Variants in DFFA observed in about 807,000 individuals in gnomAD.
DFFA encodes DFF45.
In DFFA, 14 loss-of-function variants were observed where a neutral mutation model predicts 28.0. The ratio of observed to expected loss-of-function variants is 0.50; its 90% CI spans 0.33 to 0.78. The LOEUF (loss-of-function observed/expected upper bound fraction) is 0.78. DFFA is among the 30% of genes least tolerant of loss of function. DFFA has a pLI of 0.02. For missense variants in DFFA, 395 were observed against 407.1 expected, an observed-to-expected ratio of 0.97 and a Z score of 0.26; for synonymous variants, 158 against 170.3, an observed-to-expected ratio of 0.93 and a Z score of 0.56.
At position 10,472,175 on chromosome 1, in the gene DFFA, C is replaced by T. The variant is rs112771607; in HGVS notation, c.136+148G>A. 4.8e-5 allele frequency: 46 copies of T among 950,302 alleles called. 2 individuals carry two copies. The African/African-American group carries it at 6.2e-4, about 13-fold the overall frequency. 58.9% of individuals were successfully genotyped at this position (950,302 alleles called of 1,614,324 possible). ...TCAAGCGCCTTAAATCTGTAAATCG[C>T]TATGCCCACTCGGACCGTTTCTGTC... On this transcript the variant is annotated intron_variant, in intron 1 of 5. Transcript: ENST00000377038. The surrounding 1 kb of genome is among the most constrained non-coding windows in gnomAD (Gnocchi z 5.0).
intron 5 of DFFA, 26 bp downstream of exon 5, chr1:10,463,031 AG>A (rs762873683): frequency 6.8e-6 from 11 of 1,613,876 alleles, no homozygotes; most frequent in Non-Finnish European, 2.5e-6. Flanking sequence ...CCTCCTCTGT[AG>A]CTCAGTGACC....
At chr1:10,464,096 AT>A (rs564849257) in intron 3 of DFFA, among the ~76,000 whole-genome samples, 123 of 142,984 alleles carry the variant, frequency 8.6e-4, no homozygotes, top group Admixed American at 1.1e-3. Flanking sequence ...AATTTTTCTA[AT>A]TTTTTTTTTT....
chr1:10,469,526 T>G (rs1261995229), intron 1 of DFFA, among the ~76,000 whole-genome samples, 188 bp from the exon 2 acceptor site: 1 of 152,112 alleles, frequency 6.6e-6, no homozygotes, highest in South Asian at 2.1e-4. Flanking sequence ...TAAGTGTTCT[T>G]TTCTTTTTTT....
intron 2 of DFFA, 114 bp from the exon 3 acceptor site, chr1:10,467,446 G>T: frequency 8.7e-7 from 1 of 1,151,666 alleles, no homozygotes; most frequent in Non-Finnish European, 1.3e-6. Flanking sequence ...TGGGAAAGAA[G>T]CATCTTATCT....
chr1:10,464,697 A>G (rs1035472427), intron 3 of DFFA, among the ~76,000 whole-genome samples: 1 of 152,136 alleles, frequency 6.6e-6, no homozygotes, highest in African/African-American at 2.4e-5. Context: ...CCTGGGTGAC[A>G]GAGCTAGACC....
chr1:10,464,127 C>G (rs1483332131), intron 3 of DFFA, among the ~76,000 whole-genome samples: 2 of 150,964 alleles, frequency 1.3e-5, no homozygotes, highest in African/African-American at 4.9e-5. Context: ...GAGTCTCGCT[C>G]TGTCACCCAG....
rs143293907 is a variant in DFFA, at chr1:10,467,213, G to A, written c.418C>T (p.Leu140Phe). Residue 140 changes from leucine to phenylalanine, a missense_variant, in exon 3 of 6, where the codon CTC (leucine) becomes TTC (phenylalanine). Physicochemically the swap from Leu to Phe is conservative, Grantham distance 22. Transcript: ENST00000377038. ...ACCTGGAGGTCCTCCTCTGATAGGA[G>A]GATGATGCTGGACAGATCTTCTTTC... ...QLKEDLSSII[L>F]LSEEDLQMLV... is the part of the protein sequence containing the mutation. 400 of 1,614,006 alleles carry A rather than the reference G, an allele frequency of 2.5e-4. No individual in the cohort carries two copies. The highest frequency in any genetic ancestry group is 3.3e-4 in the Non-Finnish European group (385 of 1,180,044).
intron 5 of DFFA, chr1:10,462,819 A>G (rs1299453183): frequency 2.2e-6 from 3 of 1,368,278 alleles, no homozygotes; most frequent in East Asian, 5.5e-5. Context: ...TCATTTCATT[A>G]CCAACCTTGG....
intron 2 of DFFA, among the ~76,000 whole-genome samples, chr1:10,467,795 G>A (rs1641043606): frequency 1.3e-5 from 2 of 152,120 alleles, no homozygotes; most frequent in African/African-American, 4.8e-5. Context: ...ACAGGCATAA[G>A]CCACCGTGCC....
At position 10,461,948 on chromosome 1, in the gene DFFA, G is replaced by A. The variant is rs1188882612; in HGVS notation, c.784-246C>T. ...CGGCTCCCTGCAAGCTCCGCCTCCC[G>A]GATTCACGCCATTCTCCTGCCTCAG... On this transcript the variant is annotated intron_variant, in intron 5 of 5. Transcript: ENST00000377038. 2.3e-5 allele frequency: 17 copies of A among 754,740 alleles called. No homozygotes were observed. The East Asian group carries it at 3.9e-4, about 17-fold the overall frequency. 46.8% of individuals were successfully genotyped at this position (754,740 alleles called of 1,614,324 possible).
At chr1:10,465,279 T>A (rs553145478) in intron 3 of DFFA, among the ~76,000 whole-genome samples, 1 of 152,006 alleles carries the variant, frequency 6.6e-6, no homozygotes, top group African/African-American at 2.4e-5. Flanking sequence ...AATTTTTTTG[T>A]TTTTTGAGAC....
Position 10,463,633 on chromosome 1 carries a change from C to T in DFFA, c.442-13G>A. ...CGTCAACAAGCATCTAACAAACAAACACAGACGCTTAGAAATCTACAGGGA... is the reference window on the plus strand; with the variant it reads ...CGTCAACAAGCATCTAACAAACAAATACAGACGCTTAGAAATCTACAGGGA... On this transcript the variant is annotated splice_polypyrimidine_tract_variant and intron_variant, in intron 3 of 5. Coordinates refer to ENST00000377038, the MANE Select transcript of DFFA (RefSeq NM_004401.3). 2 of 1,596,470 alleles carry T rather than the reference C, an allele frequency of 1.3e-6. No homozygotes were observed. Among genetic ancestry groups the T allele is most frequent in the Non-Finnish European group, 1.7e-6 (2 of 1,174,866 alleles).
At chr1:10,468,017 C>T (rs1011370827) in intron 2 of DFFA, among the ~76,000 whole-genome samples, 6 of 152,172 alleles carry the variant, frequency 3.9e-5, no homozygotes, top group African/African-American at 1.4e-4. Context: ...CCTTCTTTAA[C>T]TGGCAGAGCT....
At position 10,459,608 on chromosome 1, in the gene DFFA, C is replaced by G. The variant is rs970243297; in HGVS notation, c.*1882G>C. On this transcript the variant is annotated 3_prime_UTR_variant, in exon 6 of 6. Transcript: ENST00000377038. ...CAAGATTGTGGCCATAGTCAACACT[C>G]TATAATGTCACCATCTTCACCACTA... 1 of 151,988 alleles carries G rather than the reference C, an allele frequency of 6.6e-6. No individual in the cohort carries two copies. Among genetic ancestry groups the G allele is most frequent in the African/African-American group, 2.4e-5 (1 of 41,336 alleles). 9.4% of individuals were successfully genotyped at this position (151,988 alleles called of 1,614,324 possible).
At position 10,463,477 on chromosome 1, in the gene DFFA, GTAC is replaced by G; in HGVS notation, c.582_584del (p.Tyr195del). On this transcript the variant is annotated inframe_deletion, in exon 4 of 6. Transcript: ENST00000377038. ...TGCCCTCTTTCTCCAAAGCCTGGAG[GTAC>G]AGCTGCAGGAGCTGCTTGGACTGAC... is the stretch of plus-strand genomic sequence containing the variant. 1 of 1,614,046 alleles carries G rather than the reference GTAC, an allele frequency of 6.2e-7. No homozygotes were observed. Among genetic ancestry groups the G allele is most frequent in the South Asian group, 1.1e-5 (1 of 91,086 alleles).
At chr1:10,463,240 C>A (rs745520878) in intron 4 of DFFA, 31 bp from the exon 5 acceptor site, 9 of 1,604,842 alleles carry the variant, frequency 5.6e-6, no homozygotes, top group East Asian at 4.5e-5. Flanking sequence ...AGAGATCAGA[C>A]GTGGTGTGAC....
At chr1:10,468,636 A>G (rs1641052765) in intron 2 of DFFA, among the ~76,000 whole-genome samples, 1 of 152,024 alleles carries the variant, frequency 6.6e-6, no homozygotes, top group Admixed American at 6.6e-5. Context: ...TCCAGACCTC[A>G]ACAGCTGGAC....
At chr1:10,470,102 C>A (rs1641075563) in intron 1 of DFFA, among the ~76,000 whole-genome samples, 1 of 152,122 alleles carries the variant, frequency 6.6e-6, no homozygotes, top group Non-Finnish European at 1.5e-5. Flanking sequence ...GCATGAGCAA[C>A]CGCGCCTGGC....
intron 5 of DFFA, chr1:10,461,987 T>C (rs559972393): frequency 1.6e-4 from 70 of 430,428 alleles, no homozygotes; most frequent in African/African-American, 1.4e-3. Context: ...CCTGAGTAGC[T>C]GGGACTACAG....
Sources: allele counts gnomAD v4.1 joint callset (sites outside exome capture counted in the v4.1 genomes callset), GRCh38; gene constraint gnomAD v4.1.1; non-coding constraint Gnocchi (gnomAD v3.1); transcripts MANE v1.5; gene names NCBI Gene and HGNC (gene_info 2026-07-23, HGNC 2026-07-21).